Variants in CAPN15 observed in about 807,000 individuals in gnomAD.
CAPN15 encodes the protein calpain-15.
Under a neutral mutation model 97.9 loss-of-function variants are expected in CAPN15, and 53 were observed. The ratio of observed to expected loss-of-function variants is 0.54; its 90% CI spans 0.43 to 0.68. The LOEUF is 0.68. Among genes scored for constraint, CAPN15 ranks in the 30% least tolerant of loss-of-function variants. The pLI, the probability that CAPN15 is intolerant of heterozygous loss-of-function variation, is 0.00. For synonymous variants in CAPN15, 922 were observed against 722.5 expected (o/e 1.28, Z -4.43); for missense variants, 1,592 against 1,589.8 (o/e 1.00, Z -0.02).
At position 554,459 on chromosome 16, in the gene CAPN15, C is replaced by G. The variant is rs375985418; in HGVS notation, c.*943C>G. Reference sequence around the variant, plus strand: ...TTCACCTGGAGAAACATTCCCACTCCCCTTTGGCCTCCCTGTACTCTGAGC... The same window carrying G: ...TTCACCTGGAGAAACATTCCCACTCGCCTTTGGCCTCCCTGTACTCTGAGC... On this transcript the variant is annotated 3_prime_UTR_variant, in exon 14 of 14. Coordinates refer to ENST00000219611, the MANE Select transcript of CAPN15 (RefSeq NM_005632.3). 14 of 451,414 alleles carry G rather than the reference C, an allele frequency of 3.1e-5. No homozygotes were observed. Among genetic ancestry groups the G allele is most frequent in the Non-Finnish European group, 5.3e-5 (12 of 224,486 alleles). 28.0% of individuals were successfully genotyped at this position (451,414 alleles called of 1,614,324 possible).
intron 6 of CAPN15, 56 bp from the exon 7 acceptor site, chr16:549,559 C>A: frequency 9.8e-7 from 1 of 1,024,920 alleles, no homozygotes; most frequent in South Asian, 1.4e-5. Context: ...CCTCTTCTCC[C>A]AGGGCGGGTA....
At chr16:550,069 C>T (rs982416764) in intron 7 of CAPN15, among the ~76,000 whole-genome samples, 7 of 150,636 alleles carry the variant, frequency 4.6e-5, no homozygotes, top group Middle Eastern at 3.2e-3. Flanking sequence ...GGCCGTGGGG[C>T]GAGACCGATG....
intron 6 of CAPN15, 21 bp downstream of exon 6, chr16:549,492 G>T: frequency 6.4e-7 from 1 of 1,566,362 alleles, no homozygotes. Context: ...CTGCAGGGTG[G>T]GCACGGGCGG....
chr16:550,814 G>C (rs1264689504), intron 7 of CAPN15, among the ~76,000 whole-genome samples: 42 of 36,672 alleles, frequency 1.1e-3, no homozygotes, highest in Middle Eastern at 0.025. Flanking sequence ...TGAGGGCCCC[G>C]GTCGGTGAGG....
chr16:547,832 A>G lies in CAPN15; in HGVS notation c.994A>G (p.Thr332Ala). The G allele has an allele frequency of 1.2e-6, 2 of 1,609,456 alleles. No homozygotes were observed. The highest frequency in any genetic ancestry group is 1.7e-6 in the Non-Finnish European group (2 of 1,178,764). The change falls in exon 4 of 14, where the codon ACG (threonine) becomes GCG (alanine). Residue 332 changes from threonine (T) to alanine (A), a missense_variant. This residue lies in a region of CAPN15 where 883 missense variants were observed against 776.6 expected (regional missense o/e 1.14). Transcript: ENST00000219611. ...CCTGGCCGGAGACACCGTGCGTTAC[A>G]CGCCCGCCAGCCCCTCCAGCCCCGA... ...IDLAGDTVRY[T>A]PASPSSPDFT...
In CAPN15 at chr16:547,229, AAGGAGGAGC is replaced by A. The variant is rs773755266; in HGVS notation, c.400_408del (p.Gln134_Glu136del). The A allele has an allele frequency of 1.3e-6, 2 of 1,521,756 alleles. No homozygotes were observed. The highest frequency in any genetic ancestry group is 1.4e-5 in the African/African-American group (1 of 73,264). 94.3% of individuals were successfully genotyped at this position (1,521,756 alleles called of 1,614,324 possible). A position where few individuals can be genotyped will look rare whatever the true frequency, so the allele number is the denominator to read the frequency against. ...GTGCGAGGACAAGGACGAGGAGGAG[AAGGAGGAGC>A]AGGAGGAGGAGGAGGGAGCGGCGGA... On this transcript the variant is annotated inframe_deletion, in exon 4 of 14. Coordinates refer to ENST00000219611, the MANE Select transcript of CAPN15 (RefSeq NM_005632.3).
intron 5 of CAPN15, 27 bp from the exon 6 acceptor site, chr16:549,261 G>A (rs762714545): frequency 3.2e-6 from 5 of 1,561,500 alleles, no homozygotes; most frequent in African/African-American, 2.7e-5. Flanking sequence ...CGCGGTCCCC[G>A]CGAGGTCACC....
chr16:528,416 C>T (rs1433463328), intron 1 of CAPN15, among the ~76,000 whole-genome samples: 2 of 152,210 alleles, frequency 1.3e-5, no homozygotes, highest in Non-Finnish European at 1.5e-5. Context: ...TCCTGGCCGC[C>T]TTAGGGATGT....
chr16:550,591 T>C (rs964367344), intron 7 of CAPN15, among the ~76,000 whole-genome samples: 1 of 150,428 alleles, frequency 6.6e-6, no homozygotes, highest in African/African-American at 2.5e-5. Context: ...CCCCAGTCGG[T>C]GAGGGCCCCA....
rs180836840 is a variant in CAPN15 at position 542,778 on chromosome 16, G to A, written c.-22-4039G>A. On this transcript the variant is annotated intron_variant, in intron 3 of 13. Coordinates refer to ENST00000219611, the MANE Select transcript of CAPN15 (RefSeq NM_005632.3). ...AATTAGAAAAAAAAAATTTGGCCAGGCGCAGTAGCTCACGCCTGTAATCCC... is the reference window on the plus strand; with the variant it reads ...AATTAGAAAAAAAAAATTTGGCCAGACGCAGTAGCTCACGCCTGTAATCCC... 7.9e-5 allele frequency among the ~76,000 whole-genome samples: 12 copies of A among 152,216 alleles called. No individual in the cohort carries two copies. The East Asian group carries it at 2.3e-3, about 29-fold the overall frequency.
At chr16:532,855 A>G (rs1249200879) in intron 1 of CAPN15, among the ~76,000 whole-genome samples, 2 of 118,868 alleles carry the variant, frequency 1.7e-5, no homozygotes, top group Admixed American at 8.0e-5. Context: ...TCTGTCAGAG[A>G]AAAAAAAAAA....
chr16:542,427 C>G (rs2034185791), intron 3 of CAPN15, among the ~76,000 whole-genome samples: 1 of 152,144 alleles, frequency 6.6e-6, no homozygotes, highest in South Asian at 2.1e-4. Flanking sequence ...CGTCTCCACT[C>G]CCTCGACAGC....
intron 3 of CAPN15, among the ~76,000 whole-genome samples, chr16:544,777 T>TCGC (rs140811981): frequency 5.5e-5 from 1 of 18,192 alleles, no homozygotes; most frequent in African/African-American, 3.0e-4. Flanking sequence ...CTCCCCCACG[T>TCGC]CGTCTCCCCC....
chr16:546,847 G>T lies in CAPN15; in HGVS notation c.9G>T (p.Thr3=), dbSNP rs768387546. The T allele has an allele frequency of 5.6e-6, 9 of 1,603,042 alleles. No homozygotes were observed. The Admixed American group carries it at 8.4e-5, about 15-fold the overall frequency. ...CCCACTCGCCCGGGTCTATGGCCAC[G>T]GTCGGAGAGTGGTCCTGTGTGCGCT... MA[T]VGEWSCVRCT... The change falls in exon 4 of 14, where the codon ACG becomes ACT. Residue 3 remains threonine (T), a synonymous_variant. Transcript: ENST00000219611.
rs910176662 is a variant in CAPN15, at chr16:534,993, A to G, written c.-137+995A>G. On this transcript the variant is annotated intron_variant, in intron 2 of 13. Coordinates refer to ENST00000219611, the MANE Select transcript of CAPN15 (RefSeq NM_005632.3). ...GCTCGGGGGTACAGCCGTGTACATG[A>G]TTAGTTAGCGAGACAGTGAGGAGTG... 3.3e-5 allele frequency among the ~76,000 whole-genome samples: 5 copies of G among 152,076 alleles called. 1 individual carries two copies. The South Asian group carries it at 1.0e-3, about 32-fold the overall frequency.
chr16:548,275 C>G lies in CAPN15; in HGVS notation c.1437C>G (p.Ala479=). Residue 479 remains alanine, a synonymous_variant, in exon 4 of 14, where the codon GCC becomes GCG. Transcript: ENST00000219611. ...EAKALWENIV[A]FCRENNVSFV... is the part of the protein sequence containing the mutation. The stretch of plus-strand genomic sequence containing the variant: ...AGGCACTCTGGGAGAACATCGTGGC[C>G]TTCTGCCGGGAGGTGAGGCGCCCCC... 6.6e-7 allele frequency: 1 copy of G among 1,514,244 alleles called. No homozygotes were observed. The highest frequency in any genetic ancestry group is 1.3e-5 in the South Asian group (1 of 78,876). 93.8% of individuals were successfully genotyped at this position (1,514,244 alleles called of 1,614,324 possible). A position where few individuals can be genotyped will look rare whatever the true frequency, so the allele number is the denominator to read the frequency against.
intron 1 of CAPN15, among the ~76,000 whole-genome samples, chr16:530,850 A>G (rs946902355): frequency 6.6e-6 from 1 of 152,200 alleles, no homozygotes; most frequent in Admixed American, 6.5e-5. Flanking sequence ...TGAGTGCTGC[A>G]TGGGAAGCCA....
At chr16:544,983 C>T (rs1006280293) in intron 3 of CAPN15, among the ~76,000 whole-genome samples, 4 of 147,246 alleles carry the variant, frequency 2.7e-5, no homozygotes, top group African/African-American at 5.3e-5. Context: ...TTGCTGAGCA[C>T]GTGTGGCTGC....
chr16:534,026 C>G (rs34026420), intron 2 of CAPN15, 28 bp downstream of exon 2: 26 of 980,756 alleles, frequency 2.7e-5, no homozygotes, highest in African/African-American at 8.8e-5. Flanking sequence ...CCCTGCGGCT[C>G]GTTTATGGGT....
Sources: gnomAD v4.1 joint callset for allele counts (sites outside exome capture counted in the v4.1 genomes callset) on GRCh38, gnomAD v4.1.1 for gene constraint, gnomAD v4.1.1 regional missense constraint, MANE v1.5 for transcripts, NCBI Gene and HGNC (gene_info 2026-07-23, HGNC 2026-07-21) for gene names.